ATP8A2: variants seen among roughly 807,000 people sequenced by gnomAD.
The protein encoded by ATP8A2 is phospholipid-transporting ATPase IB.
In ATP8A2, 100 loss-of-function variants were observed where a neutral mutation model predicts 165.6. The ratio of observed to expected loss-of-function variants is 0.60; its 90% CI spans 0.51 to 0.71. ATP8A2 has a LOEUF of 0.71. Ranked by LOEUF, ATP8A2 falls within the 30% of genes least tolerant of loss-of-function variation. ATP8A2 has a pLI of 0.00. For synonymous variants in ATP8A2, 543 were observed against 548.8 expected (o/e 0.99, Z 0.15); for missense variants, 1,227 against 1,479.5 (o/e 0.83, Z 2.80).
intron 33 of ATP8A2, among the ~76,000 whole-genome samples, chr13:25,898,055 C>T (rs939699296): frequency 6.6e-6 from 1 of 152,154 alleles, no homozygotes; most frequent in Non-Finnish European, 1.5e-5. Flanking sequence ...ATTCTCTGTC[C>T]AGTTTTGTTC....
At chr13:25,593,387 T>C (rs2040145839) in intron 24 of ATP8A2, among the ~76,000 whole-genome samples, 1 of 152,218 alleles carries the variant, frequency 6.6e-6, no homozygotes, top group African/African-American at 2.4e-5. Flanking sequence ...CCAAATGCTG[T>C]AAACAATTAG....
Position 25,458,442 on chromosome 13 carries a change from T to C in ATP8A2, c.77-10535T>C, listed in dbSNP as rs145998739. On this transcript the variant is annotated intron_variant, in intron 1 of 36. Transcript: ENST00000381655. Reference sequence around the variant, plus strand: ...GTTGCCCATGCTGGCCTTAAACTCTTGGGCTCAAGCAATCCTCCCGCCTCA... The same window carrying C: ...GTTGCCCATGCTGGCCTTAAACTCTCGGGCTCAAGCAATCCTCCCGCCTCA... Among the ~76,000 whole-genome samples the C allele has an allele frequency of 7.7e-3, 1,171 of 152,280 alleles. 13 individuals are homozygous for C. The highest frequency in any genetic ancestry group is 0.026 in the African/African-American group (1,091 of 41,558).
At chr13:25,954,044 A>G (rs550290782) in intron 33 of ATP8A2, among the ~76,000 whole-genome samples, 1 of 152,238 alleles carries the variant, frequency 6.6e-6, no homozygotes, top group East Asian at 1.9e-4. Flanking sequence ...GAAGCCAGGG[A>G]GCCAAGTAGT....
chr13:25,553,678 C>T, intron 11 of ATP8A2, 115 bp from the exon 12 acceptor site: 1 of 1,081,322 alleles, frequency 9.2e-7, no homozygotes, highest in Non-Finnish European at 1.3e-6. Context: ...AGCCTTTGAA[C>T]TCACGGTTCC....
chr13:25,961,738 C>T, intron 34 of ATP8A2, 75 bp downstream of exon 34: 4 of 1,118,214 alleles, frequency 3.6e-6, no homozygotes, highest in Non-Finnish European at 5.4e-6. Flanking sequence ...ATGAGTCCTG[C>T]TACAGGGTAT....
intron 33 of ATP8A2, among the ~76,000 whole-genome samples, chr13:25,873,994 G>A (rs955554194): frequency 9.2e-5 from 14 of 152,116 alleles, no homozygotes; most frequent in African/African-American, 2.4e-4. Flanking sequence ...GTTAGTTTGC[G>A]CAGCATCATT....
chr13:25,447,616 C>A (rs764393391), intron 1 of ATP8A2, among the ~76,000 whole-genome samples: 1 of 152,280 alleles, frequency 6.6e-6, no homozygotes, highest in Non-Finnish European at 1.5e-5. Context: ...CACCAGAGGG[C>A]GTGTGTTACA....
intron 33 of ATP8A2, among the ~76,000 whole-genome samples, chr13:25,959,186 C>T (rs1955599998): frequency 6.6e-6 from 1 of 152,186 alleles, no homozygotes; most frequent in Non-Finnish European, 1.5e-5. Flanking sequence ...CTGATCCAAT[C>T]CCTTTCTTGT....
chr13:25,966,253 C>G (rs2139201626), intron 34 of ATP8A2, among the ~76,000 whole-genome samples: 1 of 152,248 alleles, frequency 6.6e-6, no homozygotes, highest in Non-Finnish European at 1.5e-5. Context: ...GGGCAATAAG[C>G]CATTTACAGA....
intron 33 of ATP8A2, among the ~76,000 whole-genome samples, chr13:25,871,765 A>G (rs541687521): frequency 2.0e-5 from 3 of 152,280 alleles, no homozygotes; most frequent in South Asian, 2.1e-4. Context: ...GCCAGCTGTC[A>G]TAAGTGTTGG....
chr13:25,482,386 C>A (rs562099166), intron 2 of ATP8A2, among the ~76,000 whole-genome samples: 1 of 152,150 alleles, frequency 6.6e-6, no homozygotes, highest in East Asian at 1.9e-4. Context: ...GGCAGCACTG[C>A]AGGGGTGGGA....
intron 19 of ATP8A2, among the ~76,000 whole-genome samples, chr13:25,575,312 A>G (rs2039586412): frequency 6.6e-6 from 1 of 152,246 alleles, no homozygotes; most frequent in South Asian, 2.1e-4. Context: ...GGGTCCACGT[A>G]GGGAAGTTTT....
At chr13:25,811,844 G>C (rs1242957535) in intron 27 of ATP8A2, among the ~76,000 whole-genome samples, 4 of 152,200 alleles carry the variant, frequency 2.6e-5, no homozygotes, top group Non-Finnish European at 5.9e-5. Flanking sequence ...CTGGGTGACA[G>C]AGCAAGACCC....
At chr13:25,761,667 C>T (rs200595655) in intron 25 of ATP8A2, among the ~76,000 whole-genome samples, 7 of 143,312 alleles carry the variant, frequency 4.9e-5, no homozygotes, top group South Asian at 4.6e-4. Context: ...TATATATATA[C>T]ACACACATAT....
intron 6 of ATP8A2, 78 bp downstream of exon 6, chr13:25,533,391 T>C: frequency 1.2e-6 from 1 of 826,670 alleles, no homozygotes; most frequent in South Asian, 1.6e-5. Flanking sequence ...GATTGCAGTA[T>C]AAAGTTTCTG....
At chr13:25,396,641 T>G (rs767445656) in intron 1 of ATP8A2, among the ~76,000 whole-genome samples, 1 of 152,218 alleles carries the variant, frequency 6.6e-6, no homozygotes, top group Non-Finnish European at 1.5e-5. Flanking sequence ...TTGGGTGCAT[T>G]ACTATCTTCA....
At chr13:25,399,692 G>A (rs1160631516) in intron 1 of ATP8A2, among the ~76,000 whole-genome samples, 17 of 151,212 alleles carry the variant, frequency 1.1e-4, no homozygotes, top group Admixed American at 2.6e-4. Context: ...GTGAGCCACC[G>A]CGCCCGGCCC....
At chr13:25,699,620 A>G (rs1054669282) in intron 25 of ATP8A2, among the ~76,000 whole-genome samples, 2 of 152,200 alleles carry the variant, frequency 1.3e-5, no homozygotes, top group Non-Finnish European at 2.9e-5. Flanking sequence ...ATAAATTGGA[A>G]AAACACTGCC....
intron 2 of ATP8A2, among the ~76,000 whole-genome samples, chr13:25,509,683 T>C (rs549699555): frequency 1.3e-5 from 2 of 152,350 alleles, no homozygotes; most frequent in African/African-American, 4.8e-5. Context: ...ACATGTTGTA[T>C]ACAAATTGCA....
Sources: allele counts gnomAD v4.1 joint callset (sites outside exome capture counted in the v4.1 genomes callset), GRCh38; gene constraint gnomAD v4.1.1; transcripts MANE v1.5; gene names NCBI Gene and HGNC (gene_info 2026-07-23, HGNC 2026-07-21).